The following FRMPD3 variants were observed in gnomAD, a reference collection of about 807,000 sequenced individuals.
FRMPD3 encodes the protein FERM and PDZ domain-containing protein 3.
In FRMPD3, 42 loss-of-function variants were observed where a neutral mutation model predicts 97.9. That is an observed-to-expected ratio of 0.43 (90% CI 0.34 to 0.55). The LOEUF (loss-of-function observed/expected upper bound fraction) is 0.55, where lower values mean the gene tolerates loss of function less well. Ranked by LOEUF, FRMPD3 falls within the 20% of genes least tolerant of loss-of-function variation. The probability of loss-of-function intolerance (pLI) is 0.03; values close to 1 mark genes in which losing one functional copy is unlikely to be tolerated. For missense variants in FRMPD3, 1,303 were observed against 1,457.7 expected (o/e 0.89, Z 1.73); for synonymous variants, 577 against 581.1 (o/e 0.99, Z 0.10).
intron 1 of FRMPD3, among the ~76,000 whole-genome samples, chrX:107,524,742 C>T (rs1922624615): frequency 9.0e-6 from 1 of 111,308 alleles, no homozygotes; most frequent in Non-Finnish European, 1.9e-5. Context: ...CCTGTAATCC[C>T]AGCACTTTGG....
rs183796305 is a variant in FRMPD3 at position 107,533,543 on chromosome X, C to G, written c.290C>G (p.Thr97Ser). Residue 97 changes from threonine (T) to serine (S), a missense_variant, in exon 4 of 15, where the codon ACT (threonine) becomes AGT (serine). By Grantham distance (58) the Thr-to-Ser change is moderately conservative (BLOSUM62 1). Transcript: ENST00000683843. ...KEFIVLTVLH[T>S]HQSPKSAFIS... ...TTCATCGTTCTTACAGTTCTGCACA[C>G]TCATCAGGTGAGTGAGCCTCTTTGC... is the stretch of plus-strand genomic sequence containing the variant. 6.4e-5 allele frequency: 77 copies of G among 1,204,730 alleles called. No homozygotes were observed. Among genetic ancestry groups the G allele is most frequent in the Non-Finnish European group, 8.2e-5 (73 of 892,046 alleles).
chrX:107,490,910 G>C (rs1471302722), intron 1 of FRMPD3, among the ~76,000 whole-genome samples: 1 of 112,039 alleles, frequency 8.9e-6, no homozygotes, highest in African/African-American at 3.2e-5. Flanking sequence ...TGGATGACTA[G>C]CTAGCTGGTT....
At chrX:107,474,446 A>C (rs1280049501) in intron 1 of FRMPD3, among the ~76,000 whole-genome samples, 1 of 111,219 alleles carries the variant, frequency 9.0e-6, no homozygotes, top group East Asian at 2.8e-4. Flanking sequence ...GAAAAGAGGA[A>C]ATCAAGGAAG....
intron 1 of FRMPD3, among the ~76,000 whole-genome samples, chrX:107,521,989 G>C (rs756313968): frequency 8.9e-6 from 1 of 112,245 alleles, no homozygotes; most frequent in African/African-American, 3.2e-5. Context: ...ACAGTTGTTA[G>C]CATGAGCTCG....
intron 13 of FRMPD3, among the ~76,000 whole-genome samples, chrX:107,577,162 TAAAAAAAAAAAA>T (rs1170985688): frequency 6.2e-5 from 2 of 32,071 alleles, no homozygotes; most frequent in Non-Finnish European, 1.2e-4. Flanking sequence ...CTGTCTCTAC[TAAAAAAAAAAAA>T]AAAAAAAAAA....
intron 1 of FRMPD3, among the ~76,000 whole-genome samples, chrX:107,470,774 A>G (rs972077695): frequency 1.8e-5 from 2 of 112,265 alleles, no homozygotes; most frequent in Non-Finnish European, 3.8e-5. Context: ...CCCTAGTGAA[A>G]TGAAAAATTG....
chrX:107,462,462 G>T (rs1209011071), intron 1 of FRMPD3, among the ~76,000 whole-genome samples: 1 of 112,086 alleles, frequency 8.9e-6, no homozygotes, highest in East Asian at 2.8e-4. Context: ...GGGTAGAGGG[G>T]TGCATGTTTC....
intron 1 of FRMPD3, among the ~76,000 whole-genome samples, chrX:107,490,015 T>G (rs1284781110): frequency 1.8e-5 from 2 of 112,217 alleles, no homozygotes; most frequent in African/African-American, 3.2e-5. Flanking sequence ...AATTTTTGTA[T>G]AAGGTGTAAG....
At chrX:107,467,763 C>T (rs890669249) in intron 1 of FRMPD3, among the ~76,000 whole-genome samples, 1 of 111,187 alleles carries the variant, frequency 9.0e-6, no homozygotes, top group African/African-American at 3.3e-5. Flanking sequence ...AGTATTATTC[C>T]ACATTCCTAC....
chrX:107,535,596 C>G, intron 4 of FRMPD3, among the ~76,000 whole-genome samples: 1 of 106,690 alleles, frequency 9.4e-6, no homozygotes, highest in Admixed American at 1.0e-4. Flanking sequence ...TCATTTGAAC[C>G]TGGGAGGCAG....
intron 4 of FRMPD3, among the ~76,000 whole-genome samples, chrX:107,541,057 G>A (rs1355970743): frequency 2.7e-5 from 3 of 113,077 alleles, no homozygotes; most frequent in Non-Finnish European, 5.6e-5. Flanking sequence ...TGAAGATCAC[G>A]GCTGTGTTCC....
chrX:107,603,345 C>G lies in FRMPD3; in HGVS notation c.5306C>G (p.Thr1769Ser). 3 of 1,143,818 alleles carry G rather than the reference C, an allele frequency of 2.6e-6. No individual in the cohort carries two copies. Among genetic ancestry groups the G allele is most frequent in the Non-Finnish European group, 3.5e-6 (3 of 862,167 alleles). 94.3% of individuals were successfully genotyped at this position (1,143,818 alleles called of 1,213,427 possible). Residue 1769 changes from threonine to serine, a missense_variant, in exon 15 of 15, where the codon ACC becomes AGC. Transcript: ENST00000683843. ...TCGGCGACTGTTATGAGCACATTCA[C>G]CCACTCCTTAAAAACCCTTATTAAG... ...PTSATVMSTFTHSLKTLIK is the reference protein window; with the variant it reads ...PTSATVMSTFSHSLKTLIK
intron 1 of FRMPD3, among the ~76,000 whole-genome samples, chrX:107,461,474 C>T (rs1194857544): frequency 9.0e-6 from 1 of 110,694 alleles, no homozygotes. Context: ...CCCACGAATC[C>T]ACCCCCTCTT....
chrX:107,478,537 G>A (rs1284541426), intron 1 of FRMPD3, among the ~76,000 whole-genome samples: 1 of 111,849 alleles, frequency 8.9e-6, no homozygotes, highest in African/African-American at 3.3e-5. Flanking sequence ...AAAGAAAACC[G>A]TGTGTTCTCT....
At position 107,493,728 on chromosome X, in the gene FRMPD3, T is replaced by C. The variant is rs776485773; in HGVS notation, c.-7-32854T>C. 1.2e-4 allele frequency among the ~76,000 whole-genome samples: 13 copies of C among 112,301 alleles called. No homozygotes were observed. The South Asian group carries it at 1.9e-3, about 16-fold the overall frequency. On this transcript the variant is annotated intron_variant, in intron 1 of 14. Coordinates refer to ENST00000683843, the MANE Select transcript of FRMPD3 (RefSeq NM_001388459.1). ...TTCACATTTGTGATTTTCAAGTGTG[T>C]TGCTGCATTGCATTCATAAATATGA...
chrX:107,471,199 G>T (rs192057678), intron 1 of FRMPD3, among the ~76,000 whole-genome samples: 1 of 111,702 alleles, frequency 9.0e-6, no homozygotes, highest in East Asian at 2.8e-4. Flanking sequence ...CTAGCCCTTG[G>T]CTGCCTCCCA....
rs774883559 is a variant in FRMPD3, at chrX:107,602,581, T to G, written c.4542T>G (p.Asp1514Glu). 8.3e-7 allele frequency: 1 copy of G among 1,211,519 alleles called. No homozygotes were observed. The highest frequency in any genetic ancestry group is 2.2e-5 in the Admixed American group (1 of 46,191). ...DMADDASDGK[D>E]ELSYSIPMKI... ...CAGATGATGCCAGTGATGGCAAGGA[T>G]GAGCTCTCCTACTCTATCCCCATGA... The change falls in exon 15 of 15, where the codon GAT becomes GAG. Residue 1514 changes from aspartate to glutamate, a missense_variant. This residue lies in a region of FRMPD3 where 764 missense variants were observed against 820.2 expected (regional missense o/e 0.93). Transcript: ENST00000683843.
At chrX:107,577,481 C>CAAA (rs372014103) in intron 13 of FRMPD3, among the ~76,000 whole-genome samples, 1 of 33,339 alleles carries the variant, frequency 3.0e-5, no homozygotes, top group Admixed American at 3.6e-4. Context: ...GAGACTGTCT[C>CAAA]AAAAAAAAAA....
chrX:107,475,568 A>G (rs1384880163), intron 1 of FRMPD3, among the ~76,000 whole-genome samples: 3 of 112,672 alleles, frequency 2.7e-5, no homozygotes, highest in Non-Finnish European at 5.6e-5. Context: ...TTTCCGGTGA[A>G]TCAGGGTTAT....
Sources: gnomAD v4.1 joint callset for allele counts (sites outside exome capture counted in the v4.1 genomes callset) on GRCh38, gnomAD v4.1.1 for gene constraint, gnomAD v4.1.1 regional missense constraint, MANE v1.5 for transcripts, NCBI Gene and HGNC (gene_info 2026-07-23, HGNC 2026-07-21) for gene names.